GLDN: variants seen among roughly 807,000 people sequenced by gnomAD.
GLDN encodes collomin.
Under a neutral mutation model 56.5 loss-of-function variants are expected in GLDN, and 47 were observed. The ratio of observed to expected loss-of-function variants is 0.83; its 90% CI spans 0.66 to 1.06. The LOEUF is 1.06. Among genes scored for constraint, GLDN ranks in the 50% least tolerant of loss-of-function variants. The pLI is 0.00. For missense variants in GLDN, 782 were observed against 714.3 expected (o/e 1.09, Z -1.08); for synonymous variants, 332 against 278.8 (o/e 1.19, Z -1.90).
chr15:51,386,212 A>C (rs1211425007), intron 4 of GLDN, among the ~76,000 whole-genome samples: 1 of 152,192 alleles, frequency 6.6e-6, no homozygotes, highest in Non-Finnish European at 1.5e-5. Flanking sequence ...GCCTCCACTC[A>C]TACTGAGAGT....
At chr15:51,370,061 A>G (rs1297178433) in intron 1 of GLDN, among the ~76,000 whole-genome samples, 1 of 152,140 alleles carries the variant, frequency 6.6e-6, no homozygotes, top group Non-Finnish European at 1.5e-5. Flanking sequence ...AGCTGTAGTG[A>G]GCCATGTTCA....
chr15:51,406,235 C>A lies in GLDN; in HGVS notation c.*1481C>A, dbSNP rs952693107. ...CCAGGAGAGAATCCAGTTGAACTTG[C>A]TCCTAAATGCTCTTAAATATGCATA... On this transcript the variant is annotated 3_prime_UTR_variant, in exon 10 of 10. Coordinates refer to ENST00000335449, the MANE Select transcript of GLDN (RefSeq NM_181789.4). 6.6e-6 allele frequency: 1 copy of A among 152,186 alleles called. No individual in the cohort carries two copies. Among genetic ancestry groups the A allele is most frequent in the African/African-American group, 2.4e-5 (1 of 41,444 alleles). The allele number at this position is 152,186 out of a possible 1,614,324, so 9.4% of individuals were successfully genotyped here.
intron 4 of GLDN, among the ~76,000 whole-genome samples, chr15:51,390,027 A>G (rs2037982179): frequency 6.6e-6 from 1 of 152,196 alleles, no homozygotes; most frequent in African/African-American, 2.4e-5. Flanking sequence ...AAAGCTAAGA[A>G]TGTTAGTGGA....
intron 6 of GLDN, among the ~76,000 whole-genome samples, chr15:51,399,696 T>C (rs1039499724): frequency 6.6e-6 from 1 of 152,236 alleles, no homozygotes; most frequent in Non-Finnish European, 1.5e-5. Context: ...GGTGTTTCCC[T>C]GCCTGATGTC....
rs1482091067 is a variant in GLDN at position 51,404,771 on chromosome 15, C to T, written c.*17C>T. On this transcript the variant is annotated 3_prime_UTR_variant, in exon 10 of 10. Transcript: ENST00000335449. ...AATCAGTGATGTGCTGCATTCGGCT[C>T]CCTTCAGCAAATTTCAGGGGTTTTC... 6.7e-6 allele frequency: 9 copies of T among 1,344,392 alleles called. No individual in the cohort carries two copies. Among genetic ancestry groups the T allele is most frequent in the Non-Finnish European group, 8.4e-6 (8 of 951,130 alleles). The allele number at this position is 1,344,392 out of a possible 1,614,324, so 83.3% of individuals were successfully genotyped here. A position where few individuals can be genotyped will look rare whatever the true frequency, so the allele number is the denominator to read the frequency against.
rs372743822 is a variant in GLDN at position 51,401,609 on chromosome 15, A to G, written c.1044A>G (p.Glu348=). 1 of 1,613,670 alleles carries G rather than the reference A, an allele frequency of 6.2e-7. No homozygotes were observed. Among genetic ancestry groups the G allele is most frequent in the Non-Finnish European group, 8.5e-7 (1 of 1,179,800 alleles). ...CTCCTACAGGCATCATGGTTAAGGAATTCAAGGATCAGCCCTCACTTCTGA... is the reference window on the plus strand; with the variant it reads ...CTCCTACAGGCATCATGGTTAAGGAGTTCAAGGATCAGCCCTCACTTCTGA... The part of the protein sequence containing the change: ...TEHFSGIMVK[E]FKDQPSLLNG... Residue 348 remains glutamate (E), a synonymous_variant, in exon 9 of 10, where the codon GAA becomes GAG. Coordinates refer to ENST00000335449, the MANE Select transcript of GLDN (RefSeq NM_181789.4).
intron 1 of GLDN, among the ~76,000 whole-genome samples, chr15:51,375,391 A>G (rs1212662138): frequency 1.3e-5 from 2 of 152,262 alleles, no homozygotes; most frequent in Admixed American, 1.3e-4. Context: ...GCAGCAAGAG[A>G]CAAACACATA....
At position 51,341,733 on chromosome 15, in the gene GLDN, C is replaced by T. The variant is rs1373541903; in HGVS notation, c.49C>T (p.Arg17Cys). The T allele has an allele frequency of 1.4e-6, 2 of 1,458,236 alleles. No individual in the cohort carries two copies. The highest frequency in any genetic ancestry group is 1.8e-6 in the Non-Finnish European group (2 of 1,117,958). The allele number at this position is 1,458,236 out of a possible 1,614,324, so 90.3% of individuals were successfully genotyped here. ...GGRGDAGWGL[R>C]GALAAVALLS... ...CCGTGGGGACGCGGGTTGGGGCCTGCGTGGCGCCCTGGCGGCCGTGGCGCT... is the reference window on the plus strand; with the variant it reads ...CCGTGGGGACGCGGGTTGGGGCCTGTGTGGCGCCCTGGCGGCCGTGGCGCT... Residue 17 changes from arginine to cysteine, a missense_variant, in exon 1 of 10, where the codon CGT (arginine) becomes TGT (cysteine). Arg to Cys is a radical substitution (Grantham distance 180). Coordinates refer to ENST00000335449, the MANE Select transcript of GLDN (RefSeq NM_181789.4).
intron 8 of GLDN, 25 bp from the exon 9 acceptor site, chr15:51,401,568 C>A (rs1194804759): frequency 3.1e-6 from 5 of 1,601,790 alleles, no homozygotes; most frequent in Non-Finnish European, 4.3e-6. Flanking sequence ...TAGGTAACAG[C>A]CTCTCCCTGG....
intron 1 of GLDN, among the ~76,000 whole-genome samples, chr15:51,374,764 G>T (rs1349407279): frequency 7.2e-6 from 1 of 138,562 alleles, no homozygotes; most frequent in Non-Finnish European, 1.5e-5. Context: ...TTGAGACAGG[G>T]TGTTGCTCTG....
At chr15:51,381,050 G>A (rs1184906916) in intron 2 of GLDN, among the ~76,000 whole-genome samples, 3 of 152,188 alleles carry the variant, frequency 2.0e-5, no homozygotes, top group Non-Finnish European at 2.9e-5. Context: ...ACTAGGCATT[G>A]CAGGCGATTC....
chr15:51,351,363 C>A (rs773694966), intron 1 of GLDN, among the ~76,000 whole-genome samples: 9 of 152,168 alleles, frequency 5.9e-5, no homozygotes, highest in Non-Finnish European at 8.8e-5. Flanking sequence ...TCTTCCCTGC[C>A]ACTATGCCGG....
Position 51,377,481 on chromosome 15 carries a change from C to G in GLDN, c.396C>G (p.Thr132=). Residue 132 remains threonine (T), a synonymous_variant, in exon 2 of 10, where the codon ACC becomes ACG. Coordinates refer to ENST00000335449, the MANE Select transcript of GLDN (RefSeq NM_181789.4). ...TGATGGTGGACCTGTGCAACAGCACCAAGGGCATCTGCCTCACAGGTAGGC... is the reference window on the plus strand; with the variant it reads ...TGATGGTGGACCTGTGCAACAGCACGAAGGGCATCTGCCTCACAGGTAGGC... The part of the protein sequence containing the change: ...IRVMVDLCNS[T]KGICLTGPSG... The G allele has an allele frequency of 6.2e-7, 1 of 1,614,038 alleles. No homozygotes were observed. The highest frequency in any genetic ancestry group is 8.5e-7 in the Non-Finnish European group (1 of 1,179,954).
At chr15:51,348,391 G>A (rs1440789087) in intron 1 of GLDN, among the ~76,000 whole-genome samples, 2 of 151,898 alleles carry the variant, frequency 1.3e-5, no homozygotes, top group East Asian at 3.8e-4. Context: ...GGAGTGCAGT[G>A]GAGTGATCAT....
intron 1 of GLDN, among the ~76,000 whole-genome samples, chr15:51,365,380 G>A (rs192652496): frequency 1.4e-4 from 22 of 151,816 alleles, no homozygotes; most frequent in East Asian, 5.8e-4. Flanking sequence ...TATAATACAC[G>A]TTTCCATATT....
chr15:51,375,077 T>A (rs2037602959), intron 1 of GLDN, among the ~76,000 whole-genome samples: 1 of 152,198 alleles, frequency 6.6e-6, no homozygotes, highest in African/African-American at 2.4e-5. Flanking sequence ...AATAAGTTTC[T>A]AAAGCAGGCA....
chr15:51,357,408 C>T (rs769924485), intron 1 of GLDN, among the ~76,000 whole-genome samples: 4 of 152,210 alleles, frequency 2.6e-5, no homozygotes, highest in Non-Finnish European at 4.4e-5. Flanking sequence ...CGGTGAGTAA[C>T]ACTGGACCCC....
chr15:51,382,611 A>G (rs1166124217), intron 2 of GLDN, among the ~76,000 whole-genome samples: 1 of 151,572 alleles, frequency 6.6e-6, no homozygotes, highest in Non-Finnish European at 1.5e-5. Context: ...CTGTAGTCCC[A>G]GCTACTCGGG....
At chr15:51,400,334 T>A in intron 7 of GLDN, 39 bp from the exon 8 acceptor site, 1 of 1,614,130 alleles carries the variant, frequency 6.2e-7, no homozygotes, top group East Asian at 2.2e-5. Flanking sequence ...CAAGTCATAA[T>A]TGGCAGGCAA....
Sources: gnomAD v4.1 joint callset for allele counts (sites outside exome capture counted in the v4.1 genomes callset) on GRCh38, gnomAD v4.1.1 for gene constraint, MANE v1.5 for transcripts, NCBI Gene and HGNC (gene_info 2026-07-23, HGNC 2026-07-21) for gene names.